The following RAB3GAP2 variants were observed in gnomAD, a reference collection of about 807,000 sequenced individuals.
RAB3GAP2 encodes RAB3 GTPase activating non-catalytic protein subunit 2.
A neutral mutation model predicts 185.3 loss-of-function variants in RAB3GAP2; 87 were observed. The ratio of observed to expected loss-of-function variants is 0.47; its 90% confidence interval spans 0.39 to 0.56. The LOEUF (loss-of-function observed/expected upper bound fraction) is 0.56, where lower values mean the gene tolerates loss of function less well. Among genes scored for constraint, RAB3GAP2 ranks in the 20% least tolerant of loss-of-function variants. The probability of loss-of-function intolerance (pLI) is 0.00; values close to 1 mark genes in which losing one functional copy is unlikely to be tolerated. For missense variants in RAB3GAP2, 1,492 were observed against 1,638.2 expected (o/e 0.91, Z 1.54); for synonymous variants, 554 against 576.1 (o/e 0.96, Z 0.55).
In RAB3GAP2 at chr1:220,168,877, T is replaced by C. The variant is rs112232493; in HGVS notation, c.2807-1202A>G. Among the ~76,000 whole-genome samples the C allele has an allele frequency of 4.0e-3, 604 of 152,366 alleles. 3 individuals carry two copies. Among genetic ancestry groups the C allele is most frequent in the African/African-American group, 0.014 (572 of 41,588 alleles). On this transcript the variant is annotated intron_variant, in intron 24 of 34. Transcript: ENST00000358951. ...CCTGTTTATTATCGAAAACAAATTA[T>C]ACTCTATTGTTTACCAAAACTTTCT...
chr1:220,161,487 G>A (rs1657963024), intron 28 of RAB3GAP2, among the ~76,000 whole-genome samples: 2 of 152,152 alleles, frequency 1.3e-5, no homozygotes, highest in African/African-American at 4.8e-5. Flanking sequence ...CGGCATGCTA[G>A]CAGCTTCTGC....
In RAB3GAP2 at chr1:220,182,240, A is replaced by C; in HGVS notation, c.2310+17T>G. 1.2e-6 allele frequency: 2 copies of C among 1,613,992 alleles called. No homozygotes were observed. Among genetic ancestry groups the C allele is most frequent in the Middle Eastern group, 1.7e-4 (1 of 6,060 alleles). ...TTCACAAGGAAGAACAGCATCCAGC[A>C]ACCAAAAAAACCTTACCAACAACAG... On this transcript the variant is annotated intron_variant, in intron 21 of 34. Transcript: ENST00000358951.
chr1:220,206,059 A>C, intron 7 of RAB3GAP2, 53 bp from the exon 8 acceptor site: 1 of 1,137,704 alleles, frequency 8.8e-7, no homozygotes, highest in Non-Finnish European at 1.3e-6. Context: ...AAGCTTATCT[A>C]CTTTTTATTA....
rs985867060 is a variant in RAB3GAP2 at position 220,158,882 on chromosome 1, A to T, written c.3261+504T>A. On this transcript the variant is annotated intron_variant, in intron 29 of 34. Coordinates refer to ENST00000358951, the MANE Select transcript of RAB3GAP2 (RefSeq NM_012414.4). This position sits in a 1 kb window ranked among gnomAD's most constrained non-coding sequence, Gnocchi z 4.3. Reference sequence around the variant, plus strand: ...GTCATACAACCATTCTCAAGAACACATCAGAAAAAGTCTTCAACAATGGAA... The same window carrying T: ...GTCATACAACCATTCTCAAGAACACTTCAGAAAAAGTCTTCAACAATGGAA... Among the ~76,000 whole-genome samples, 1 of 152,190 alleles carries T rather than the reference A, an allele frequency of 6.6e-6. No homozygotes were observed.
intron 1 of RAB3GAP2, among the ~76,000 whole-genome samples, chr1:220,259,524 A>T (rs1660095507): frequency 1.3e-5 from 2 of 152,116 alleles, no homozygotes. Context: ...AATAAATGGG[A>T]CTACTGCCTA....
chr1:220,242,387 G>A (rs951803551), intron 1 of RAB3GAP2, among the ~76,000 whole-genome samples: 4 of 151,956 alleles, frequency 2.6e-5, no homozygotes, highest in Non-Finnish European at 1.5e-5. Context: ...TCATTCCCTG[G>A]CCTAAAGTGG....
At chr1:220,154,094 G>A in intron 31 of RAB3GAP2, 37 bp from the exon 32 acceptor site, 2 of 1,609,722 alleles carry the variant, frequency 1.2e-6, no homozygotes, top group Non-Finnish European at 1.7e-6. Flanking sequence ...GATGAGTGTG[G>A]ATTATTAAGG....
intron 28 of RAB3GAP2, 77 bp from the exon 29 acceptor site, chr1:220,159,498 A>T: frequency 2.6e-6 from 3 of 1,137,424 alleles, no homozygotes; most frequent in Non-Finnish European, 3.8e-6. Context: ...AATAATAAAA[A>T]GTAACCGAAT....
chr1:220,161,757 G>A (rs1307709982), intron 28 of RAB3GAP2, among the ~76,000 whole-genome samples: 2 of 152,154 alleles, frequency 1.3e-5, no homozygotes, highest in Non-Finnish European at 2.9e-5. Flanking sequence ...TTTGGACTCA[G>A]ATTACACAAC....
At position 220,272,199 on chromosome 1, in the gene RAB3GAP2, G is replaced by C. The variant is rs200805703; in HGVS notation, c.115+24C>G. 155 of 1,567,428 alleles carry C rather than the reference G, an allele frequency of 9.9e-5. 1 individual carries two copies. In the East Asian group the frequency reaches 3.5e-3, roughly 35 times the overall value. On this transcript the variant is annotated intron_variant, in intron 1 of 34. Coordinates refer to ENST00000358951, the MANE Select transcript of RAB3GAP2 (RefSeq NM_012414.4). ...AGGCCGCGGGTGACGAGGGAAGGAAGGGCGAGGCCAGAGAGGCACTTACTG... is the reference window on the plus strand; with the variant it reads ...AGGCCGCGGGTGACGAGGGAAGGAACGGCGAGGCCAGAGAGGCACTTACTG...
intron 7 of RAB3GAP2, chr1:220,208,096 G>A (rs560931486): frequency 6.6e-6 from 1 of 152,234 alleles, no homozygotes; most frequent in African/African-American, 2.4e-5. Context: ...TAAAAATTTT[G>A]AGATGATTTT....
chr1:220,267,611 C>T (rs1660252932), intron 1 of RAB3GAP2: 4 of 1,375,386 alleles, frequency 2.9e-6, no homozygotes, highest in East Asian at 2.3e-5. Context: ...GTGCCGACAG[C>T]GGGGACTGCT....
chr1:220,189,116 A>G (rs1658559544), intron 17 of RAB3GAP2, among the ~76,000 whole-genome samples: 1 of 152,242 alleles, frequency 6.6e-6, no homozygotes, highest in African/African-American at 2.4e-5. Context: ...GGGGACACTC[A>G]GGGCTCTTTA....
intron 21 of RAB3GAP2, 118 bp downstream of exon 21, chr1:220,182,139 G>A: frequency 6.6e-7 from 1 of 1,522,150 alleles, no homozygotes; most frequent in Non-Finnish European, 8.8e-7. Flanking sequence ...TTTTTAGAAA[G>A]TTTTCATGGA....
intron 13 of RAB3GAP2, among the ~76,000 whole-genome samples, chr1:220,192,133 G>A (rs1227004684): frequency 6.6e-6 from 1 of 152,228 alleles, no homozygotes; most frequent in Admixed American, 6.5e-5. Flanking sequence ...AGTCAGTACA[G>A]CTTCGTCTTC....
chr1:220,163,653 C>T (rs1263983370), intron 27 of RAB3GAP2, among the ~76,000 whole-genome samples: 1 of 149,702 alleles, frequency 6.7e-6, no homozygotes, highest in Non-Finnish European at 1.5e-5. Context: ...TGAGCCACTG[C>T]GTCCGGCAGT....
Position 220,236,566 on chromosome 1 carries a change from G to T in RAB3GAP2, c.116-3703C>A, listed in dbSNP as rs367862655. Among the ~76,000 whole-genome samples the T allele has an allele frequency of 1.8e-4, 27 of 152,178 alleles. No individual in the cohort carries two copies. In the South Asian group the frequency reaches 5.6e-3, roughly 32 times the overall value. On this transcript the variant is annotated intron_variant, in intron 1 of 34. Transcript: ENST00000358951. ...ATCATTTGAGAATATTTGCAAGGAG[G>T]TAGTGGACAGCAATTTTCAGCTATT...
intron 1 of RAB3GAP2, among the ~76,000 whole-genome samples, chr1:220,255,802 A>G (rs1057089688): frequency 8.5e-5 from 13 of 152,194 alleles, no homozygotes; most frequent in Admixed American, 7.2e-4. Flanking sequence ...CAAATCTATG[A>G]CTGATTGGGG....
At chr1:220,178,475 T>A (rs1022944222) in intron 21 of RAB3GAP2, among the ~76,000 whole-genome samples, 1 of 152,096 alleles carries the variant, frequency 6.6e-6, no homozygotes, top group Admixed American at 6.5e-5. Flanking sequence ...AATGATGACA[T>A]CAAAAATGCT....
Sources: gnomAD v4.1 joint callset for allele counts (sites outside exome capture counted in the v4.1 genomes callset) on GRCh38, gnomAD v4.1.1 for gene constraint, Gnocchi (gnomAD v3.1) non-coding constraint, MANE v1.5 for transcripts, NCBI Gene and HGNC (gene_info 2026-07-23, HGNC 2026-07-21) for gene names.